Variants in AFMID observed in about 807,000 individuals in gnomAD.
The protein encoded by AFMID is arylformamidase.
A neutral mutation model predicts 47.5 loss-of-function variants in AFMID; 39 were observed. That is an observed-to-expected ratio of 0.82 (90% CI 0.64 to 1.07). The LOEUF is 1.07. AFMID is among the 50% of genes least tolerant of loss of function. AFMID has a pLI of 0.00. For missense variants in AFMID, 375 were observed against 387.5 expected, an observed-to-expected ratio of 0.97 and a Z score of 0.27; for synonymous variants, 130 against 153.2, an observed-to-expected ratio of 0.85 and a Z score of 1.12.
chr17:78,190,230 CT>C (rs1158662993), intron 1 of AFMID, among the ~76,000 whole-genome samples: 3 of 152,002 alleles, frequency 2.0e-5, no homozygotes, highest in Non-Finnish European at 4.4e-5. Context: ...TTCACCGCCC[CT>C]CCTCCTCCAG....
At chr17:78,199,053 TCGTCAGTA>T (rs1288653542) in intron 2 of AFMID, among the ~76,000 whole-genome samples, 3 of 152,246 alleles carry the variant, frequency 2.0e-5, no homozygotes, top group African/African-American at 4.8e-5. Context: ...AGATAGCTTC[TCGTCAGTA>T]CGTCAGTACG....
intron 2 of AFMID, among the ~76,000 whole-genome samples, chr17:78,201,664 T>C (rs1290836037): frequency 1.8e-4 from 28 of 152,004 alleles, no homozygotes; most frequent in Admixed American, 1.8e-3. Context: ...ATAATAAGTG[T>C]GTAGTAAAGT....
At chr17:78,190,887 G>T in intron 1 of AFMID, 83 bp from the exon 2 acceptor site, 1 of 1,253,080 alleles carries the variant, frequency 8.0e-7, no homozygotes, top group South Asian at 1.3e-5. Flanking sequence ...AGGCAGAGAG[G>T]AGCAGCCGGG....
At chr17:78,191,335 A>G (rs2075963567) in intron 2 of AFMID, among the ~76,000 whole-genome samples, 1 of 152,106 alleles carries the variant, frequency 6.6e-6, no homozygotes, top group Non-Finnish European at 1.5e-5. Flanking sequence ...CCAGGCCCGT[A>G]AGGCTGCGGG....
At chr17:78,202,897 T>G in intron 4 of AFMID, 146 bp downstream of exon 4, 1 of 1,016,694 alleles carries the variant, frequency 9.8e-7, no homozygotes, top group Non-Finnish European at 1.5e-6. Context: ...AACGGAAGTC[T>G]CAAGTCAAAT....
chr17:78,191,561 T>G (rs1449656534), intron 2 of AFMID, among the ~76,000 whole-genome samples: 2 of 152,072 alleles, frequency 1.3e-5, no homozygotes, highest in East Asian at 3.9e-4. Flanking sequence ...TAATTCCAGC[T>G]ACTCGGGAAC....
intron 1 of AFMID, 99 bp downstream of exon 1, chr17:78,187,532 C>A (rs555655913): frequency 2.2e-6 from 3 of 1,386,762 alleles, no homozygotes; most frequent in South Asian, 2.4e-5. Flanking sequence ...GTCTAGAGCA[C>A]TCCTGTGGGC....
intron 10 of AFMID, 50 bp downstream of exon 10, chr17:78,206,100 G>T (rs767710391): frequency 2.6e-6 from 4 of 1,527,370 alleles, no homozygotes; most frequent in Non-Finnish European, 3.6e-6. Flanking sequence ...CACAGGTCCT[G>T]TCGCAGCCCC....
chr17:78,198,260 C>G (rs2076160042), intron 2 of AFMID, among the ~76,000 whole-genome samples: 1 of 151,754 alleles, frequency 6.6e-6, no homozygotes, highest in Non-Finnish European at 1.5e-5. Flanking sequence ...GAGTTCCAGA[C>G]CAGCCTGGCC....
At position 78,205,626 on chromosome 17, in the gene AFMID, C is replaced by A; in HGVS notation, c.668C>A (p.Pro223His). The stretch of plus-strand genomic sequence containing the variant: ...AGGGAGGACGCTCAGAGGAATAGCC[C>A]CCAGCTGAAGGTGGCCCAGGCACAG... ...LTLEDAQRNSPQLKVAQAQPV... is the reference protein window; with the variant it reads ...LTLEDAQRNSHQLKVAQAQPV... Residue 223 changes from proline (P) to histidine (H), a missense_variant, in exon 9 of 11, where the codon CCC becomes CAC. Physicochemically the swap from Pro to His is moderately conservative, Grantham distance 77. Transcript: ENST00000409257. 2 of 1,613,856 alleles carry A rather than the reference C, an allele frequency of 1.2e-6. No individual in the cohort carries two copies. The highest frequency in any genetic ancestry group is 1.7e-6 in the Non-Finnish European group (2 of 1,179,824).
chr17:78,192,770 C>T lies in AFMID; in HGVS notation c.154+1710C>T, dbSNP rs73999672. On this transcript the variant is annotated intron_variant, in intron 2 of 10. Transcript: ENST00000409257. The stretch of plus-strand genomic sequence containing the variant: ...CCGTGCTGGGATGGGGAGCAGGCCC[C>T]GAGGAGGAAGTGTAGGTGAGGACGC... 3,164 of 404,486 alleles carry T rather than the reference C, an allele frequency of 7.8e-3. 75 individuals are homozygous for T. Among genetic ancestry groups the T allele is most frequent in the African/African-American group, 0.053 (2,530 of 48,116 alleles). The allele number at this position is 404,486 out of a possible 1,614,324, so 25.1% of individuals were successfully genotyped here.
chr17:78,190,785 C>G, intron 1 of AFMID, 185 bp from the exon 2 acceptor site: 1 of 557,598 alleles, frequency 1.8e-6, no homozygotes, highest in South Asian at 2.3e-5. Flanking sequence ...AGGCTGCCAG[C>G]TGGCTAAAGG....
chr17:78,205,332 C>A, intron 7 of AFMID, 108 bp from the exon 8 acceptor site: 1 of 1,447,634 alleles, frequency 6.9e-7, no homozygotes, highest in Non-Finnish European at 9.7e-7. Context: ...CCTTCTCTGC[C>A]TCCTCTGTGC....
Position 78,206,907 on chromosome 17 carries a change from C to T in AFMID, c.886-4C>T, listed in dbSNP as rs758647707. 6.2e-7 allele frequency: 1 copy of T among 1,613,966 alleles called. No homozygotes were observed. Among genetic ancestry groups the T allele is most frequent in the Admixed American group, 1.7e-5 (1 of 59,984 alleles). Reference sequence around the variant, plus strand: ...GGCTTTTGTGTCTTCTCTTCCTGTTCCAGATTATCTTGAAAACAATCTTCC... The same window carrying T: ...GGCTTTTGTGTCTTCTCTTCCTGTTTCAGATTATCTTGAAAACAATCTTCC... On this transcript the variant is annotated splice_polypyrimidine_tract_variant and splice_region_variant and intron_variant, in intron 10 of 10. Coordinates refer to ENST00000409257, the MANE Select transcript of AFMID (RefSeq NM_001010982.5).
intron 1 of AFMID, among the ~76,000 whole-genome samples, chr17:78,187,960 C>CAGAAAAAAAAA (rs2075843981): frequency 1.8e-5 from 1 of 56,662 alleles, no homozygotes; most frequent in East Asian, 9.3e-4. Flanking sequence ...GACTTAGTCT[C>CAGAAAAAAAAA]AAAAAAAAAA....
intron 10 of AFMID, among the ~76,000 whole-genome samples, chr17:78,206,417 T>C (rs2076384623): frequency 6.6e-6 from 1 of 151,516 alleles, no homozygotes; most frequent in Non-Finnish European, 1.5e-5. Context: ...TTCTTTCTTT[T>C]TTTTTTTCTT....
chr17:78,194,384 G>C (rs911634486), intron 2 of AFMID, among the ~76,000 whole-genome samples: 1 of 152,154 alleles, frequency 6.6e-6, no homozygotes, highest in African/African-American at 2.4e-5. Flanking sequence ...CTCCCAAAGT[G>C]CTGGGATTAT....
chr17:78,202,470 T>TGAC, intron 2 of AFMID, 29 bp from the exon 3 acceptor site: 1 of 1,605,924 alleles, frequency 6.2e-7, no homozygotes, highest in Non-Finnish European at 8.5e-7. Flanking sequence ...GAGCTTGTGC[T>TGAC]GACAGCGACT....
intron 1 of AFMID, among the ~76,000 whole-genome samples, chr17:78,187,808 C>A (rs946064034): frequency 6.6e-6 from 1 of 151,656 alleles, no homozygotes; most frequent in Non-Finnish European, 1.5e-5. Context: ...AAAAATTAGC[C>A]GGGCGTGGTG....
Sources: allele counts gnomAD v4.1 joint callset (sites outside exome capture counted in the v4.1 genomes callset), GRCh38; gene constraint gnomAD v4.1.1; transcripts MANE v1.5; gene names NCBI Gene and HGNC (gene_info 2026-07-23, HGNC 2026-07-21).